DYM: variants seen among roughly 807,000 people sequenced by gnomAD.
The protein encoded by DYM is dymeclin, also known as dyggve-Melchior-Clausen syndrome protein.
Under a neutral mutation model 93.1 loss-of-function variants are expected in DYM, and 78 were observed. That is an observed-to-expected ratio of 0.84 (90% confidence interval 0.70 to 1.01). The LOEUF (loss-of-function observed/expected upper bound fraction) is 1.01, where lower values mean the gene tolerates loss of function less well. DYM is among the 50% of genes least tolerant of loss of function. The probability of loss-of-function intolerance (pLI) is 0.00; values close to 1 mark genes in which losing one functional copy is unlikely to be tolerated. For synonymous variants in DYM, 321 were observed against 319.7 expected (o/e 1.00, Z -0.04); for missense variants, 789 against 845.0 (o/e 0.93, Z 0.82).
At chr18:49,223,049 A>G (rs1352143133) in intron 13 of DYM, among the ~76,000 whole-genome samples, 1 of 152,114 alleles carries the variant, frequency 6.6e-6, no homozygotes, top group Non-Finnish European at 1.5e-5. Flanking sequence ...CGTATTAAGT[A>G]TTTTTGCCAA....
chr18:49,315,163 T>G (rs929373348), intron 8 of DYM, among the ~76,000 whole-genome samples: 1 of 151,234 alleles, frequency 6.6e-6, no homozygotes, highest in Non-Finnish European at 1.5e-5. Flanking sequence ...TGCAGTGAAC[T>G]GAGATCACAT....
At chr18:49,424,473 T>C (rs1457768657) in intron 2 of DYM, among the ~76,000 whole-genome samples, 2 of 152,132 alleles carry the variant, frequency 1.3e-5, no homozygotes, top group East Asian at 3.9e-4. Flanking sequence ...AGCATTCCCT[T>C]TGAAAACTGG....
chr18:49,350,643 T>C (rs997975741), intron 6 of DYM, among the ~76,000 whole-genome samples: 4 of 150,248 alleles, frequency 2.7e-5, no homozygotes, highest in Non-Finnish European at 5.9e-5. Context: ...GAGGCGGAGG[T>C]TGCAGTGAGC....
At chr18:49,158,133 T>G (rs1292375115) in intron 15 of DYM, among the ~76,000 whole-genome samples, 1 of 152,182 alleles carries the variant, frequency 6.6e-6, no homozygotes, top group Non-Finnish European at 1.5e-5. Context: ...AAATTTCAAC[T>G]CCTTTCAATG....
intron 5 of DYM, among the ~76,000 whole-genome samples, chr18:49,370,788 T>G (rs1246584976): frequency 2.0e-5 from 3 of 152,080 alleles, no homozygotes; most frequent in African/African-American, 7.2e-5. Flanking sequence ...AAAAAGAAAC[T>G]ATCATTGCAG....
At chr18:49,111,073 T>C (rs1568438955) in intron 16 of DYM, among the ~76,000 whole-genome samples, 1 of 152,326 alleles carries the variant, frequency 6.6e-6, no homozygotes, top group African/African-American at 2.4e-5. Flanking sequence ...TGGAACTGTT[T>C]ATATATGTTG....
At chr18:49,417,836 GA>G (rs1172905881) in intron 2 of DYM, 1 of 152,078 alleles carries the variant, frequency 6.6e-6, no homozygotes, top group Non-Finnish European at 1.5e-5. Context: ...CGAGGCAAGC[GA>G]ATCACCTGAG....
intron 17 of DYM, among the ~76,000 whole-genome samples, chr18:49,068,452 C>T (rs542792600): frequency 7.2e-5 from 11 of 152,268 alleles, no homozygotes; most frequent in Admixed American, 2.0e-4. Context: ...AAGCATTTCC[C>T]ACAAATCCTA....
intron 17 of DYM, among the ~76,000 whole-genome samples, chr18:49,052,161 G>A (rs1193537343): frequency 2.0e-5 from 3 of 152,226 alleles, no homozygotes; most frequent in African/African-American, 7.2e-5. Flanking sequence ...GAAGGGAGCT[G>A]TTTGTAAGGG....
chr18:49,311,197 G>A (rs1035595713), intron 8 of DYM, among the ~76,000 whole-genome samples: 1 of 152,112 alleles, frequency 6.6e-6, no homozygotes, highest in Non-Finnish European at 1.5e-5. Context: ...GCTGGAGAAG[G>A]GAAGGATCAT....
chr18:49,361,758 T>C (rs1282534611), intron 6 of DYM, among the ~76,000 whole-genome samples: 1 of 152,206 alleles, frequency 6.6e-6, no homozygotes, highest in African/African-American at 2.4e-5. Context: ...TCTCGCTCTG[T>C]AGCCCAGGCT....
intron 1 of DYM, among the ~76,000 whole-genome samples, chr18:49,457,745 C>T (rs1600428137): frequency 6.6e-6 from 1 of 152,128 alleles, no homozygotes; most frequent in African/African-American, 2.4e-5. Flanking sequence ...ACTTTGCAGG[C>T]GTGATTAAAT....
At chr18:49,455,661 A>C (rs2082917418) in intron 1 of DYM, among the ~76,000 whole-genome samples, 1 of 152,198 alleles carries the variant, frequency 6.6e-6, no homozygotes, top group Non-Finnish European at 1.5e-5. Context: ...TTAATTATAA[A>C]GGAGCAGAGG....
intron 17 of DYM, among the ~76,000 whole-genome samples, chr18:49,062,178 G>C (rs747004627): frequency 6.6e-5 from 10 of 152,306 alleles, no homozygotes; most frequent in Non-Finnish European, 1.5e-4. Context: ...AACGGGGAGA[G>C]AGAGACTGGG....
intron 3 of DYM, among the ~76,000 whole-genome samples, chr18:49,382,473 A>G (rs1026110193): frequency 2.0e-5 from 3 of 152,240 alleles, no homozygotes; most frequent in African/African-American, 7.2e-5. Context: ...AAATATCTCA[A>G]TGGTAGAAGA....
intron 13 of DYM, among the ~76,000 whole-genome samples, chr18:49,253,320 T>G (rs776542703): frequency 2.0e-5 from 3 of 152,228 alleles, no homozygotes; most frequent in Non-Finnish European, 4.4e-5. Flanking sequence ...ATAACCCTTC[T>G]GGGTATCTAA....
chr18:49,216,604 G>T (rs925490816), intron 13 of DYM, among the ~76,000 whole-genome samples: 1 of 152,146 alleles, frequency 6.6e-6, no homozygotes, highest in Non-Finnish European at 1.5e-5. Flanking sequence ...ATGAAAATCC[G>T]CAGTTCTGAA....
intron 16 of DYM, among the ~76,000 whole-genome samples, chr18:49,105,314 C>G (rs1159184444): frequency 6.6e-6 from 1 of 152,104 alleles, no homozygotes; most frequent in African/African-American, 2.4e-5. Context: ...CTTTATTAGT[C>G]TTGCTAGCAG....
At chr18:49,424,667 C>T (rs2074082266) in intron 2 of DYM, among the ~76,000 whole-genome samples, 1 of 152,134 alleles carries the variant, frequency 6.6e-6, no homozygotes, top group Non-Finnish European at 1.5e-5. Context: ...CCAAAATCTC[C>T]TTAAGCTGAT....
Sources: allele counts gnomAD v4.1 joint callset (sites outside exome capture counted in the v4.1 genomes callset), GRCh38; gene constraint gnomAD v4.1.1; transcripts MANE v1.5; gene names NCBI Gene and HGNC (gene_info 2026-07-23, HGNC 2026-07-21).